Variants in MAPK1IP1L observed in about 807,000 individuals in gnomAD.
MAPK1IP1L encodes the protein mitogen-activated protein kinase 1 interacting protein 1 like.
Under a neutral mutation model 18.1 loss-of-function variants are expected in MAPK1IP1L, and 10 were observed. The ratio of observed to expected loss-of-function variants is 0.55; its 90% CI spans 0.34 to 0.94. The LOEUF (loss-of-function observed/expected upper bound fraction) is 0.94. Ranked by LOEUF, MAPK1IP1L falls within the 40% of genes least tolerant of loss-of-function variation. The pLI is 0.02. For synonymous variants in MAPK1IP1L, 115 were observed against 117.3 expected, an observed-to-expected ratio of 0.98 and a Z score of 0.13; for missense variants, 260 against 318.2, an observed-to-expected ratio of 0.82 and a Z score of 1.39.
chr14:55,053,357 A>AC (rs1280645403), intron 1 of MAPK1IP1L, among the ~76,000 whole-genome samples: 1 of 152,190 alleles, frequency 6.6e-6, no homozygotes, highest in Non-Finnish European at 1.5e-5. Context: ...TTTAACGTTT[A>AC]CTTTTTTACC....
intron 1 of MAPK1IP1L, among the ~76,000 whole-genome samples, chr14:55,056,723 A>C (rs1163266313): frequency 6.6e-6 from 1 of 151,980 alleles, no homozygotes; most frequent in East Asian, 1.9e-4. Flanking sequence ...GTTAGCCAGG[A>C]TGGTCTCAAT....
chr14:55,062,916 C>T lies in MAPK1IP1L; in HGVS notation c.317C>T (p.Thr106Ile). 1 of 1,614,108 alleles carries T rather than the reference C, an allele frequency of 6.2e-7. No homozygotes were observed. Among genetic ancestry groups the T allele is most frequent in the South Asian group, 1.1e-5 (1 of 91,080 alleles). The part of the protein sequence containing the change: ...PPPGGPYPAP[T>I]VPGPGPTGPY... ...CCTGGTGGTCCTTATCCAGCCCCAA[C>T]TGTGCCGGGCCCTGGCCCCACAGGG... The change falls in exon 3 of 4, where the codon ACT (threonine) becomes ATT (isoleucine). Residue 106 changes from threonine (T) to isoleucine (I), a missense_variant. Physicochemically the swap from Thr to Ile is moderately conservative, Grantham distance 89. Coordinates refer to ENST00000395468, the MANE Select transcript of MAPK1IP1L (RefSeq NM_144578.4).
intron 1 of MAPK1IP1L, among the ~76,000 whole-genome samples, chr14:55,061,405 A>T (rs146573109): frequency 2.0e-5 from 3 of 152,324 alleles, no homozygotes; most frequent in Admixed American, 2.0e-4. Context: ...TCACTGTATC[A>T]TACTTAAAAC....
intron 1 of MAPK1IP1L, among the ~76,000 whole-genome samples, chr14:55,057,653 G>C (rs2042782309): frequency 6.6e-6 from 1 of 151,820 alleles, no homozygotes; most frequent in Admixed American, 6.6e-5. Flanking sequence ...CTACTCAGGA[G>C]ACTGAGGCAC....
chr14:55,063,297 G>A lies in MAPK1IP1L; in HGVS notation c.698G>A (p.Gly233Asp). ...NPFQVPSGPS[G>D]APPMPGGPHS... ...TTCCAAGTGCCTTCAGGACCTTCTG[G>A]TGCTCCACCAATGCCTGGTGGCCCC... Residue 233 changes from glycine (G) to aspartate (D), a missense_variant, in exon 3 of 4, where the codon GGT becomes GAT. Coordinates refer to ENST00000395468, the MANE Select transcript of MAPK1IP1L (RefSeq NM_144578.4). The A allele has an allele frequency of 6.2e-7, 1 of 1,613,260 alleles. No homozygotes were observed. Among genetic ancestry groups the A allele is most frequent in the Non-Finnish European group, 8.5e-7 (1 of 1,179,458 alleles).
At chr14:55,058,481 A>G (rs111831572) in intron 1 of MAPK1IP1L, among the ~76,000 whole-genome samples, 4,419 of 152,290 alleles carry the variant, frequency 0.029, 80 homozygotes, top group South Asian at 0.061. Flanking sequence ...AAGAAAATAA[A>G]CTACATGAAA....
At position 55,067,852 on chromosome 14, in the gene MAPK1IP1L, G is replaced by A. The variant is rs1190037439; in HGVS notation, c.*3225G>A. The A allele has an allele frequency of 6.6e-6, 1 of 152,216 alleles. No individual in the cohort carries two copies. The highest frequency in any genetic ancestry group is 2.4e-5 in the African/African-American group (1 of 41,442). 9.4% of individuals were successfully genotyped at this position (152,216 alleles called of 1,614,324 possible). A position where few individuals can be genotyped will look rare whatever the true frequency, so the allele number is the denominator to read the frequency against. On this transcript the variant is annotated 3_prime_UTR_variant, in exon 4 of 4. Coordinates refer to ENST00000395468, the MANE Select transcript of MAPK1IP1L (RefSeq NM_144578.4). Reference sequence around the variant, plus strand: ...AATATGCTGACATTTGGGCTTCAGAGGAAGAATTTTCAAATCTAATGGAAA... The same window carrying A: ...AATATGCTGACATTTGGGCTTCAGAAGAAGAATTTTCAAATCTAATGGAAA...
chr14:55,063,369 G>A (rs1326882470), intron 3 of MAPK1IP1L, 44 bp downstream of exon 3: 1 of 1,458,152 alleles, frequency 6.9e-7, no homozygotes, highest in Non-Finnish European at 9.3e-7. Context: ...ATTGTACATA[G>A]CACAACTGAC....
chr14:55,057,515 T>G (rs1405033287), intron 1 of MAPK1IP1L, among the ~76,000 whole-genome samples: 9 of 152,200 alleles, frequency 5.9e-5, no homozygotes, highest in Non-Finnish European at 1.5e-5. Context: ...TCCCAGCACT[T>G]TGGGAGGCCA....
In MAPK1IP1L at chr14:55,051,732, C is replaced by A; in HGVS notation, c.-76C>A. ...TAGCTGCCGTCAGTCAGGCTGCGCC[C>A]GCGTCTTCAGGGCCCAGTCCCTCGG... is the stretch of plus-strand genomic sequence containing the variant. On this transcript the variant is annotated 5_prime_UTR_variant, in exon 1 of 4. Transcript: ENST00000395468. 1 of 516,136 alleles carries A rather than the reference C, an allele frequency of 1.9e-6. No homozygotes were observed. Among genetic ancestry groups the A allele is most frequent in the South Asian group, 1.4e-5 (1 of 71,442 alleles). The allele number at this position is 516,136 out of a possible 1,614,324, so 32.0% of individuals were successfully genotyped here. A position where few individuals can be genotyped will look rare whatever the true frequency, so the allele number is the denominator to read the frequency against.
chr14:55,051,728 C>T lies in MAPK1IP1L; in HGVS notation c.-80C>T, dbSNP rs754341524. Reference sequence around the variant, plus strand: ...GCTCTAGCTGCCGTCAGTCAGGCTGCGCCCGCGTCTTCAGGGCCCAGTCCC... The same window carrying T: ...GCTCTAGCTGCCGTCAGTCAGGCTGTGCCCGCGTCTTCAGGGCCCAGTCCC... On this transcript the variant is annotated 5_prime_UTR_variant, in exon 1 of 4. Coordinates refer to ENST00000395468, the MANE Select transcript of MAPK1IP1L (RefSeq NM_144578.4). 1 of 516,136 alleles carries T rather than the reference C, an allele frequency of 1.9e-6. No homozygotes were observed. Among genetic ancestry groups the T allele is most frequent in the South Asian group, 1.4e-5 (1 of 71,440 alleles). 32.0% of individuals were successfully genotyped at this position (516,136 alleles called of 1,614,324 possible). A position where few individuals can be genotyped will look rare whatever the true frequency, so the allele number is the denominator to read the frequency against.
intron 1 of MAPK1IP1L, among the ~76,000 whole-genome samples, chr14:55,054,172 ATTTTC>A (rs1315460780): frequency 5.9e-4 from 79 of 133,280 alleles, no homozygotes; most frequent in Non-Finnish European, 9.9e-4. Context: ...TATAATTTAT[ATTTTC>A]TTTTTTTTTT....
At chr14:55,061,629 A>G in intron 1 of MAPK1IP1L, 51 bp from the exon 2 acceptor site, 1 of 1,293,060 alleles carries the variant, frequency 7.7e-7, no homozygotes, top group Non-Finnish European at 1.1e-6. Context: ...GAAATGGTGA[A>G]CACTGATTTT....
In MAPK1IP1L at chr14:55,062,719, G is replaced by A; in HGVS notation, c.120G>A (p.Trp40Ter). Reference protein sequence around the residue: ...PPQGWPGSNPWNNPSAPSSVP... With the variant: ...PPQGWPGSNP ...AAGGCTGGCCAGGCTCCAACCCTTG[G>A]AATAATCCGAGTGCTCCATCTTCAG... The change falls in exon 3 of 4, where the codon TGG becomes TGA. Residue 40 changes from tryptophan to a stop codon, truncating the protein, a stop_gained. Transcript: ENST00000395468. LOFTEE classifies it high-confidence loss of function. 6.2e-7 allele frequency: 1 copy of A among 1,614,142 alleles called. No individual in the cohort carries two copies. Among genetic ancestry groups the A allele is most frequent in the Non-Finnish European group, 8.5e-7 (1 of 1,180,020 alleles).
chr14:55,051,720 T>C lies in MAPK1IP1L; in HGVS notation c.-88T>C, dbSNP rs368976323. On this transcript the variant is annotated 5_prime_UTR_variant, in exon 1 of 4. Coordinates refer to ENST00000395468, the MANE Select transcript of MAPK1IP1L (RefSeq NM_144578.4). The stretch of plus-strand genomic sequence containing the variant: ...CCGCCGCTGCTCTAGCTGCCGTCAG[T>C]CAGGCTGCGCCCGCGTCTTCAGGGC... 5.8e-6 allele frequency: 3 copies of C among 516,130 alleles called. No homozygotes were observed. The highest frequency in any genetic ancestry group is 1.2e-5 in the Non-Finnish European group (3 of 259,474). The allele number at this position is 516,130 out of a possible 1,614,324, so 32.0% of individuals were successfully genotyped here.
At chr14:55,061,488 G>C (rs1225078788) in intron 1 of MAPK1IP1L, among the ~76,000 whole-genome samples, 192 bp from the exon 2 acceptor site, 5 of 152,280 alleles carry the variant, frequency 3.3e-5, no homozygotes, top group African/African-American at 1.2e-4. Flanking sequence ...CCATTAAAAG[G>C]GATGAAGTTA....
At chr14:55,052,101 G>GGCGGGC in intron 1 of MAPK1IP1L, among the ~76,000 whole-genome samples, 1 of 151,744 alleles carries the variant, frequency 6.6e-6, no homozygotes, top group South Asian at 2.1e-4. Context: ...TGCGGGGCGG[G>GGCGGGC]GCGGGCGCGG....
At chr14:55,054,470 TATC>T (rs1292156412) in intron 1 of MAPK1IP1L, among the ~76,000 whole-genome samples, 18 of 152,304 alleles carry the variant, frequency 1.2e-4, no homozygotes, top group African/African-American at 4.3e-4. Flanking sequence ...GTACGATACA[TATC>T]ATCCCCCCAT....
intron 1 of MAPK1IP1L, among the ~76,000 whole-genome samples, chr14:55,055,032 C>T (rs954148106): frequency 6.6e-6 from 1 of 151,990 alleles, no homozygotes; most frequent in African/African-American, 2.4e-5. Context: ...AAAAAGAAAG[C>T]CTTTCTTGAG....
Sources: gnomAD v4.1 joint callset for allele counts (sites outside exome capture counted in the v4.1 genomes callset) on GRCh38, gnomAD v4.1.1 for gene constraint, MANE v1.5 for transcripts, NCBI Gene and HGNC (gene_info 2026-07-23, HGNC 2026-07-21) for gene names.